Variants in PRKG1 observed in about 807,000 individuals in gnomAD.
PRKG1 encodes cGMP-dependent protein kinase 1.
Under a neutral mutation model 88.1 loss-of-function variants are expected in PRKG1, and 35 were observed. The ratio of observed to expected loss-of-function variants is 0.40; its 90% confidence interval spans 0.30 to 0.53. The LOEUF (loss-of-function observed/expected upper bound fraction) is 0.53, where lower values mean the gene tolerates loss of function less well. PRKG1 is among the 20% of genes least tolerant of loss of function. The pLI, the probability that PRKG1 is intolerant of heterozygous loss-of-function variation, is 0.59. For missense variants in PRKG1, 540 were observed against 839.8 expected, an observed-to-expected ratio of 0.64 and a Z score of 4.41; for synonymous variants, 303 against 292.5, an observed-to-expected ratio of 1.04 and a Z score of -0.37.
intron 2 of PRKG1, among the ~76,000 whole-genome samples, chr10:51,315,156 T>C (rs1029791521): frequency 2.6e-5 from 4 of 152,198 alleles, no homozygotes; most frequent in African/African-American, 4.8e-5. Context: ...AAGGAACTTT[T>C]TGTAATCAAA....
intron 2 of PRKG1, among the ~76,000 whole-genome samples, chr10:51,180,976 T>C (rs1354819550): frequency 6.6e-6 from 1 of 152,200 alleles, no homozygotes; most frequent in East Asian, 1.9e-4. Flanking sequence ...TTATTTGGTC[T>C]ATAAAGATTC....
At chr10:52,078,047 C>T (rs138979937) in intron 7 of PRKG1, among the ~76,000 whole-genome samples, 6 of 152,290 alleles carry the variant, frequency 3.9e-5, no homozygotes, top group African/African-American at 1.4e-4. Context: ...TCGACGACAT[C>T]GTTGCTGCAA....
chr10:51,771,284 A>T (rs1339535516), intron 3 of PRKG1, among the ~76,000 whole-genome samples: 2 of 152,222 alleles, frequency 1.3e-5, no homozygotes, highest in Non-Finnish European at 2.9e-5. Context: ...GTTGACTAAA[A>T]GATCATATGC....
At position 52,127,510 on chromosome 10, in the gene PRKG1, T is replaced by C. The variant is rs749296621; in HGVS notation, c.936-6330T>C. 3.0e-4 allele frequency among the ~76,000 whole-genome samples: 45 copies of C among 152,262 alleles called. 3 individuals are homozygous for C. Among genetic ancestry groups the C allele is most frequent in the Middle Eastern group, 3.4e-3 (1 of 294 alleles). ...CAGAATTTTGGGAAAACACCTATCA[T>C]CTATGGGCTAGGGATGAAATGTCAA... On this transcript the variant is annotated intron_variant, in intron 7 of 17. Coordinates refer to ENST00000373980, the MANE Select transcript of PRKG1 (RefSeq NM_006258.4).
Position 51,546,863 on chromosome 10 carries a change from T to C in PRKG1, c.592+79027T>C, listed in dbSNP as rs185928246. The stretch of plus-strand genomic sequence containing the variant: ...CCTCAAACTTATATCAAAAAATGCC[T>C]CCACTTTATACTTTGCCTGCAAATT... On this transcript the variant is annotated intron_variant, in intron 3 of 17. Coordinates refer to ENST00000373980, the MANE Select transcript of PRKG1 (RefSeq NM_006258.4). Among the ~76,000 whole-genome samples, 354 of 152,148 alleles carry C rather than the reference T, an allele frequency of 2.3e-3. 1 individual carries two copies. The highest frequency in any genetic ancestry group is 7.8e-3 in the African/African-American group (325 of 41,542).
At chr10:51,713,296 C>T (rs892377530) in intron 3 of PRKG1, among the ~76,000 whole-genome samples, 1 of 152,190 alleles carries the variant, frequency 6.6e-6, no homozygotes, top group East Asian at 1.9e-4. Flanking sequence ...AACTACATGA[C>T]AGAATACTGA....
chr10:51,969,863 A>G (rs1843661214), intron 5 of PRKG1, among the ~76,000 whole-genome samples: 1 of 151,906 alleles, frequency 6.6e-6, no homozygotes, highest in Non-Finnish European at 1.5e-5. Flanking sequence ...AGTCCTCTTT[A>G]TTTGGAATTG....
chr10:51,135,716 T>C (rs1022490294), intron 1 of PRKG1, among the ~76,000 whole-genome samples: 1 of 152,110 alleles, frequency 6.6e-6, no homozygotes, highest in African/African-American at 2.4e-5. Context: ...GTAGATGTTA[T>C]TTGAATTTTT....
intron 3 of PRKG1, among the ~76,000 whole-genome samples, chr10:51,604,755 G>A (rs1838712116): frequency 6.6e-6 from 1 of 152,236 alleles, no homozygotes; most frequent in South Asian, 2.1e-4. Flanking sequence ...AGGTGCAGAG[G>A]CCTTGGGGAG....
intron 9 of PRKG1, among the ~76,000 whole-genome samples, chr10:52,174,064 A>G (rs948458455): frequency 6.6e-6 from 1 of 152,004 alleles, no homozygotes; most frequent in African/African-American, 2.4e-5. Context: ...TTGTTTTCCC[A>G]AATCTAGTTC....
At chr10:51,976,544 A>T (rs1202034554) in intron 5 of PRKG1, among the ~76,000 whole-genome samples, 2 of 152,016 alleles carry the variant, frequency 1.3e-5, no homozygotes, top group African/African-American at 4.8e-5. Context: ...AATTGCCAAG[A>T]TGAGTCAAAT....
At chr10:51,089,924 A>G (rs1163999230) in intron 1 of PRKG1, among the ~76,000 whole-genome samples, 2 of 152,188 alleles carry the variant, frequency 1.3e-5, no homozygotes, top group East Asian at 1.9e-4. Flanking sequence ...TCATGTACTC[A>G]TGAGATTACC....
intron 3 of PRKG1, among the ~76,000 whole-genome samples, chr10:51,678,576 A>G (rs1227953230): frequency 6.6e-6 from 1 of 152,228 alleles, no homozygotes; most frequent in African/African-American, 2.4e-5. Flanking sequence ...TGTTTGGATT[A>G]TCTTTGCTCT....
Position 51,806,011 on chromosome 10 carries a change from G to GAT in PRKG1, c.698+1330_698+1331dup, listed in dbSNP as rs564696555. Among the ~76,000 whole-genome samples the GAT allele has an allele frequency of 1.4e-4, 22 of 152,098 alleles. No homozygotes were observed. In the South Asian group the frequency reaches 3.3e-3, roughly 23 times the overall value. Reference sequence around the variant, plus strand: ...TTCAGGTGCCTTCTATATTGGGTGAGATATATATATGTATGTGTTGATATA... The same window carrying GAT: ...TTCAGGTGCCTTCTATATTGGGTGAGATATATATATATGTATGTGTTGATATA... On this transcript the variant is annotated intron_variant, in intron 4 of 17. Transcript: ENST00000373980.
At chr10:51,371,543 G>A (rs1051315395) in intron 2 of PRKG1, among the ~76,000 whole-genome samples, 2 of 152,036 alleles carry the variant, frequency 1.3e-5, no homozygotes, top group African/African-American at 4.8e-5. Context: ...ATACACCCTG[G>A]CACATAATAG....
chr10:51,181,452 A>G (rs977372597), intron 2 of PRKG1, among the ~76,000 whole-genome samples: 2 of 150,384 alleles, frequency 1.3e-5, no homozygotes, highest in Non-Finnish European at 3.0e-5. Context: ...CTTGTTAGCC[A>G]GGATGGTCTC....
chr10:51,504,627 T>C (rs1156841479), intron 3 of PRKG1, among the ~76,000 whole-genome samples: 2 of 152,306 alleles, frequency 1.3e-5, no homozygotes, highest in East Asian at 1.9e-4. Flanking sequence ...TCCATTTGTT[T>C]GTATCCTCTT....
intron 3 of PRKG1, among the ~76,000 whole-genome samples, chr10:51,503,600 C>T (rs1841101846): frequency 2.0e-5 from 3 of 152,182 alleles, no homozygotes; most frequent in Non-Finnish European, 2.9e-5. Flanking sequence ...TCATCAAATT[C>T]TGGGCCTTTG....
At chr10:51,520,387 G>T (rs1313074523) in intron 3 of PRKG1, among the ~76,000 whole-genome samples, 1 of 150,326 alleles carries the variant, frequency 6.7e-6, no homozygotes, top group African/African-American at 2.4e-5. Flanking sequence ...ATGTAAAATA[G>T]AATGAAGACT....
Sources: allele counts gnomAD v4.1 joint callset (sites outside exome capture counted in the v4.1 genomes callset), GRCh38; gene constraint gnomAD v4.1.1; transcripts MANE v1.5; gene names NCBI Gene and HGNC (gene_info 2026-07-23, HGNC 2026-07-21).